NPEPPS: variants seen among roughly 807,000 people sequenced by gnomAD.
The protein encoded by NPEPPS is puromycin-sensitive aminopeptidase.
A neutral mutation model predicts 115.5 loss-of-function variants in NPEPPS; 14 were observed. The observed-to-expected ratio is 0.12, with a 90% CI of 0.08 to 0.19. The LOEUF (loss-of-function observed/expected upper bound fraction) is 0.19, where lower values mean the gene tolerates loss of function less well. Ranked by LOEUF, NPEPPS falls within the 10% of genes least tolerant of loss-of-function variation. NPEPPS has a pLI of 1.00. For missense variants in NPEPPS, 523 were observed against 1,110.8 expected (o/e 0.47, Z 7.52); for synonymous variants, 285 against 390.6 (o/e 0.73, Z 3.19).
intron 1 of NPEPPS, 76 bp from the exon 2 acceptor site, chr17:47,545,833 C>G: frequency 6.8e-7 from 1 of 1,467,680 alleles, no homozygotes; most frequent in Non-Finnish European, 9.2e-7. Flanking sequence ...AGGTGTGTGC[C>G]AACACACCTG....
intron 1 of NPEPPS, among the ~76,000 whole-genome samples, chr17:47,538,148 C>T (rs1055105988): frequency 5.3e-5 from 8 of 150,096 alleles, no homozygotes; most frequent in Non-Finnish European, 1.2e-4. Flanking sequence ...CTGCCTCCGC[C>T]TGCCAAAGTG....
intron 19 of NPEPPS, among the ~76,000 whole-genome samples, chr17:47,618,072 G>C (rs1266634329): frequency 6.6e-6 from 1 of 150,996 alleles, no homozygotes; most frequent in African/African-American, 2.4e-5. Flanking sequence ...GTAGAAACAG[G>C]GTTTCACCAT....
At chr17:47,585,913 GGGAATGGGTT>G (rs1342951387) in intron 6 of NPEPPS, 1 of 572,760 alleles carries the variant, frequency 1.7e-6, no homozygotes, top group African/African-American at 1.9e-5. Context: ...AATTTCTCTA[GGGAATGGGTT>G]GGAAAATATG....
chr17:47,564,361 C>T (rs1358897490), intron 2 of NPEPPS, among the ~76,000 whole-genome samples: 1 of 151,860 alleles, frequency 6.6e-6, no homozygotes, highest in Non-Finnish European at 1.5e-5. Flanking sequence ...TAGTGAGACC[C>T]TTATCTCAAT....
intron 2 of NPEPPS, among the ~76,000 whole-genome samples, chr17:47,558,966 G>A (rs1910250102): frequency 1.3e-5 from 2 of 151,768 alleles, no homozygotes; most frequent in Admixed American, 6.6e-5. Context: ...CCCGGGAGGC[G>A]GACGGAGGTT....
intron 1 of NPEPPS, among the ~76,000 whole-genome samples, 191 bp downstream of exon 1, chr17:47,531,746 G>A (rs1340637676): frequency 6.6e-6 from 1 of 151,874 alleles, no homozygotes; most frequent in African/African-American, 2.4e-5. Flanking sequence ...CTGGGGCCGG[G>A]GCAGGGACCG....
intron 13 of NPEPPS, among the ~76,000 whole-genome samples, chr17:47,598,132 A>C (rs185101556): frequency 6.6e-6 from 1 of 152,238 alleles, no homozygotes; most frequent in African/African-American, 2.4e-5. Flanking sequence ...TAACATACAA[A>C]AATTATTGTT....
At chr17:47,609,951 A>G (rs948033276) in intron 17 of NPEPPS, among the ~76,000 whole-genome samples, 1 of 152,096 alleles carries the variant, frequency 6.6e-6, no homozygotes, top group Middle Eastern at 3.4e-3. Context: ...TGTCCATTGT[A>G]CTGCTGCAAT....
intron 21 of NPEPPS, 141 bp downstream of exon 21, chr17:47,619,305 G>A (rs1474958097): frequency 1.2e-6 from 1 of 831,154 alleles, no homozygotes; most frequent in South Asian, 1.5e-5. Context: ...TGTAATACCA[G>A]CACTTTGGGA....
chr17:47,597,067 T>G (rs1199868459), intron 13 of NPEPPS, among the ~76,000 whole-genome samples: 4 of 150,786 alleles, frequency 2.7e-5, no homozygotes, highest in Non-Finnish European at 5.9e-5. Flanking sequence ...AAAAAATCAA[T>G]GTATTGATTT....
chr17:47,539,350 A>G (rs1448037313), intron 1 of NPEPPS, among the ~76,000 whole-genome samples: 4 of 152,058 alleles, frequency 2.6e-5, no homozygotes, highest in Admixed American at 6.6e-5. Flanking sequence ...GATTTTAGTG[A>G]TTTCGTTTTG....
In NPEPPS at chr17:47,622,131, A is replaced by G; in HGVS notation, c.*211A>G. The G allele has an allele frequency of 7.9e-7, 1 of 1,259,402 alleles. No individual in the cohort carries two copies. Among genetic ancestry groups the G allele is most frequent in the Non-Finnish European group, 1.0e-6 (1 of 993,902 alleles). The allele number at this position is 1,259,402 out of a possible 1,614,324, so 78.0% of individuals were successfully genotyped here. A position where few individuals can be genotyped will look rare whatever the true frequency, so the allele number is the denominator to read the frequency against. ...CAGCAATTCAGCAAAAAATAAATAA[A>G]AAATAAAAATGTAAATATGATAGTA... On this transcript the variant is annotated 3_prime_UTR_variant, in exon 23 of 23. Coordinates refer to ENST00000322157, the MANE Select transcript of NPEPPS (RefSeq NM_006310.4).
chr17:47,559,445 TGTTTGTTTTTTTAAA>T (rs1345692033), intron 2 of NPEPPS, among the ~76,000 whole-genome samples: 1 of 152,204 alleles, frequency 6.6e-6, no homozygotes, highest in Non-Finnish European at 1.5e-5. Flanking sequence ...TTTTTTTGTT[TGTTTGTTTTTTTAAA>T]GTAACTTCGC....
chr17:47,584,220 C>CGGG (rs146874360), intron 5 of NPEPPS, among the ~76,000 whole-genome samples: 1 of 140,164 alleles, frequency 7.1e-6, no homozygotes, highest in Non-Finnish European at 1.5e-5. Flanking sequence ...GACTCCATCT[C>CGGG]GGGGGAAAAA....
At chr17:47,616,657 C>G (rs1312568254) in intron 19 of NPEPPS, among the ~76,000 whole-genome samples, 1 of 150,186 alleles carries the variant, frequency 6.7e-6, no homozygotes, top group Non-Finnish European at 1.5e-5. Flanking sequence ...GCACTCCAGC[C>G]TGGGTGACAG....
chr17:47,537,779 C>T (rs1908409622), intron 1 of NPEPPS, among the ~76,000 whole-genome samples: 1 of 151,430 alleles, frequency 6.6e-6, no homozygotes, highest in South Asian at 2.1e-4. Context: ...TGCAATTCCT[C>T]ATAGTGTAGG....
chr17:47,579,440 A>C lies in NPEPPS; in HGVS notation c.469A>C (p.Lys157Gln). ...TGTTGGAGAGCTGAATGACAAAATG[A>C]AAGGTTTCTATAGAAGTAAATATAC... ...DFVGELNDKM[K>Q]GFYRSKYTTP... Residue 157 changes from lysine (K) to glutamine (Q), a missense_variant, in exon 4 of 23, where the codon AAA becomes CAA. Coordinates refer to ENST00000322157, the MANE Select transcript of NPEPPS (RefSeq NM_006310.4). The C allele has an allele frequency of 6.2e-7, 1 of 1,612,608 alleles. No homozygotes were observed. Among genetic ancestry groups the C allele is most frequent in the Non-Finnish European group, 8.5e-7 (1 of 1,179,142 alleles).
rs1914698698 is a variant in NPEPPS, at chr17:47,623,128, T to TAACA, written c.*1209_*1212dup. 3.9e-6 allele frequency: 1 copy of TAACA among 253,370 alleles called. No homozygotes were observed. Among genetic ancestry groups the TAACA allele is most frequent in the South Asian group, 4.0e-5 (1 of 24,816 alleles). The allele number at this position is 253,370 out of a possible 1,614,324, so 15.7% of individuals were successfully genotyped here. On this transcript the variant is annotated 3_prime_UTR_variant, in exon 23 of 23. Transcript: ENST00000322157. ...TTCTTAAAAAAATATTTTGTGTTAT[T>TAACA]AACAGAAATTCATATTTGGTGTGGC...
At chr17:47,532,723 AAT>A (rs1458828219) in intron 1 of NPEPPS, among the ~76,000 whole-genome samples, 1 of 151,884 alleles carries the variant, frequency 6.6e-6, no homozygotes, top group East Asian at 1.9e-4. Context: ...CACCGGTGAA[AAT>A]ATTCCATTAC....
Sources: gnomAD v4.1 joint callset for allele counts (sites outside exome capture counted in the v4.1 genomes callset) on GRCh38, gnomAD v4.1.1 for gene constraint, MANE v1.5 for transcripts, NCBI Gene and HGNC (gene_info 2026-07-23, HGNC 2026-07-21) for gene names.